CCSER1: variants seen among roughly 807,000 people sequenced by gnomAD.
The protein encoded by CCSER1 is coiled-coil serine rich protein 1.
CCSER1 carries 41 observed loss-of-function variants against 82.0 expected under a neutral mutation model. The observed-to-expected ratio is 0.50, with a 90% CI of 0.39 to 0.65. CCSER1 has a LOEUF of 0.65. CCSER1 is among the 30% of genes least tolerant of loss of function. CCSER1 has a pLI of 0.00. For missense variants in CCSER1, 1,119 were observed against 1,064.2 expected (o/e 1.05, Z -0.72); for synonymous variants, 414 against 383.9 (o/e 1.08, Z -0.92).
At chr4:90,799,165 G>C (rs899581164) in intron 7 of CCSER1, among the ~76,000 whole-genome samples, 3 of 152,130 alleles carry the variant, frequency 2.0e-5, no homozygotes, top group African/African-American at 7.2e-5. Context: ...GTGGGGTGCT[G>C]GTAGGCACAG....
rs553932456 is a variant in CCSER1 at position 91,105,907 on chromosome 4, T to C, written c.2217+19913T>C. Among the ~76,000 whole-genome samples the C allele has an allele frequency of 5.3e-5, 8 of 152,012 alleles. No homozygotes were observed. The East Asian group carries it at 1.6e-3, about 29-fold the overall frequency. The stretch of plus-strand genomic sequence containing the variant: ...GTTTTTTTTTCACTTCACATGAACA[T>C]TTATATGTTTTGCTGCAGAAACATC... On this transcript the variant is annotated intron_variant, in intron 10 of 10. Transcript: ENST00000509176.
At chr4:91,253,408 C>T (rs1043819126) in intron 10 of CCSER1, among the ~76,000 whole-genome samples, 3 of 152,062 alleles carry the variant, frequency 2.0e-5, no homozygotes, top group African/African-American at 7.2e-5. Context: ...AGTCAAGATT[C>T]ATATGCAGAT....
intron 10 of CCSER1, among the ~76,000 whole-genome samples, chr4:91,203,468 C>T (rs1240236692): frequency 6.6e-6 from 1 of 151,632 alleles, no homozygotes; most frequent in African/African-American, 2.4e-5. Context: ...AAAAAATGGC[C>T]TCATGGAGGT....
intron 5 of CCSER1, among the ~76,000 whole-genome samples, chr4:90,574,484 G>A (rs960347425): frequency 3.3e-5 from 5 of 150,800 alleles, no homozygotes; most frequent in Non-Finnish European, 5.9e-5. Flanking sequence ...TAGCCAGGAT[G>A]GTCTCGATCT....
At chr4:91,089,826 T>C (rs1323905178) in intron 10 of CCSER1, among the ~76,000 whole-genome samples, 3 of 152,198 alleles carry the variant, frequency 2.0e-5, no homozygotes, top group African/African-American at 7.2e-5. Context: ...GTTATATCTT[T>C]AAATATGTCT....
chr4:91,407,289 A>AAAAC (rs1330535193), intron 10 of CCSER1, among the ~76,000 whole-genome samples: 1 of 152,220 alleles, frequency 6.6e-6, no homozygotes, highest in Admixed American at 6.5e-5. Context: ...CAAGTCTACA[A>AAAAC]AAACAGGCTA....
At chr4:90,705,476 G>T (rs192832455) in intron 6 of CCSER1, among the ~76,000 whole-genome samples, 1 of 152,178 alleles carries the variant, frequency 6.6e-6, no homozygotes, top group Non-Finnish European at 1.5e-5. Flanking sequence ...TCCATGCTGG[G>T]AGAACTACTA....
chr4:90,470,260 C>T (rs946784215), intron 5 of CCSER1, among the ~76,000 whole-genome samples: 5 of 151,964 alleles, frequency 3.3e-5, no homozygotes, highest in Admixed American at 6.6e-5. Context: ...GTATATATAT[C>T]CCATATTTTA....
At chr4:90,743,523 A>G (rs138827045) in intron 7 of CCSER1, among the ~76,000 whole-genome samples, 2,020 of 152,302 alleles carry the variant, frequency 0.013, 51 homozygotes, top group African/African-American at 0.046. Context: ...AATATGTAAC[A>G]AACATTGATT....
At chr4:91,102,797 G>T (rs1725213110) in intron 10 of CCSER1, among the ~76,000 whole-genome samples, 1 of 152,132 alleles carries the variant, frequency 6.6e-6, no homozygotes, top group Non-Finnish European at 1.5e-5. Context: ...ACTCCAGATG[G>T]TTGAACTGAT....
Position 90,139,165 on chromosome 4 carries a change from T to C in CCSER1, c.-42+11334T>C, listed in dbSNP as rs189102438. Among the ~76,000 whole-genome samples, 85 of 152,152 alleles carry C rather than the reference T, an allele frequency of 5.6e-4. 1 individual carries two copies. The highest frequency in any genetic ancestry group is 4.4e-5 in the Non-Finnish European group (3 of 67,966). ...TCACATCATTGCCCTAAGTTTCCAA[T>C]GTGGCAAAAAGGGACTAAGTCATCA... On this transcript the variant is annotated intron_variant, in intron 1 of 10. Transcript: ENST00000509176.
intron 10 of CCSER1, among the ~76,000 whole-genome samples, chr4:91,441,180 T>G (rs1755108007): frequency 6.6e-6 from 1 of 152,042 alleles, no homozygotes; most frequent in African/African-American, 2.4e-5. Context: ...AAGAGAGTTT[T>G]AGACCAATAT....
intron 5 of CCSER1, among the ~76,000 whole-genome samples, chr4:90,623,910 C>G (rs553573945): frequency 6.6e-6 from 1 of 152,128 alleles, no homozygotes; most frequent in Non-Finnish European, 1.5e-5. Context: ...TGTCATTGTG[C>G]TGGTCTTAGA....
chr4:90,977,161 A>G (rs1735684445), intron 9 of CCSER1, among the ~76,000 whole-genome samples: 1 of 151,568 alleles, frequency 6.6e-6, no homozygotes, highest in Non-Finnish European at 1.5e-5. Context: ...TGACAACGAG[A>G]ACACAATATA....
At chr4:90,597,648 A>C (rs571242480) in intron 5 of CCSER1, among the ~76,000 whole-genome samples, 1 of 152,132 alleles carries the variant, frequency 6.6e-6, no homozygotes, top group Non-Finnish European at 1.5e-5. Context: ...GTCATCTGGT[A>C]TACTTATGTT....
chr4:90,408,540 C>T (rs62312938), intron 4 of CCSER1, among the ~76,000 whole-genome samples: 10,363 of 152,260 alleles, frequency 0.068, 468 homozygotes, highest in African/African-American at 0.13. Flanking sequence ...AGTGGACCTC[C>T]AGTAAACTCC....
intron 9 of CCSER1, among the ~76,000 whole-genome samples, chr4:91,013,559 AGTCT>A (rs1739173821): frequency 1.6e-5 from 2 of 123,398 alleles, no homozygotes; most frequent in African/African-American, 2.6e-5. Flanking sequence ...TTTTTTTGCT[AGTCT>A]GTCTGTTTCC....
chr4:91,415,897 G>A (rs1753332338), intron 10 of CCSER1, among the ~76,000 whole-genome samples: 1 of 151,972 alleles, frequency 6.6e-6, no homozygotes, highest in Admixed American at 6.6e-5. Context: ...TCTCTGCCAG[G>A]TTTTGGTATC....
intron 3 of CCSER1, among the ~76,000 whole-genome samples, chr4:90,356,799 T>G (rs1457877199): frequency 6.6e-6 from 1 of 151,864 alleles, no homozygotes; most frequent in Non-Finnish European, 1.5e-5. Context: ...AGACGGCAAT[T>G]TAGATAGTAT....
Sources: gnomAD v4.1 joint callset for allele counts (sites outside exome capture counted in the v4.1 genomes callset) on GRCh38, gnomAD v4.1.1 for gene constraint, MANE v1.5 for transcripts, NCBI Gene and HGNC (gene_info 2026-07-23, HGNC 2026-07-21) for gene names.